Variants in DMD observed in about 807,000 individuals in gnomAD.
DMD encodes mutant dystrophin.
A neutral mutation model predicts 330.1 loss-of-function variants in DMD; 63 were observed. The ratio of observed to expected loss-of-function variants is 0.19; its 90% CI spans 0.16 to 0.24. DMD has a LOEUF of 0.24. Among genes scored for constraint, DMD ranks in the 10% least tolerant of loss-of-function variants. The pLI, the probability that DMD is intolerant of heterozygous loss-of-function variation, is 1.00. For missense variants in DMD, 3,344 were observed against 2,684.1 expected (o/e 1.25, Z -5.43); for synonymous variants, 1,223 against 959.8 (o/e 1.27, Z -5.07).
intron 44 of DMD, among the ~76,000 whole-genome samples, chrX:32,100,013 G>A (rs919590816): frequency 2.7e-5 from 3 of 110,449 alleles, no homozygotes; most frequent in African/African-American, 9.9e-5. Context: ...ATGTGACCTC[G>A]GGCATAACTA....
chrX:31,139,072 G>A (rs1028719539), intron 76 of DMD, among the ~76,000 whole-genome samples: 2 of 112,185 alleles, frequency 1.8e-5, no homozygotes, highest in Admixed American at 1.9e-4. Flanking sequence ...CATATTGCTA[G>A]TCTTTGGGGG....
chrX:32,667,320 C>T (rs1017168077), intron 9 of DMD, among the ~76,000 whole-genome samples: 1 of 111,555 alleles, frequency 9.0e-6, no homozygotes, highest in Non-Finnish European at 1.9e-5. Flanking sequence ...TCATGGAACT[C>T]ACACTTTTGT....
intron 44 of DMD, among the ~76,000 whole-genome samples, chrX:32,023,810 A>G (rs1257677575): frequency 8.9e-6 from 1 of 111,939 alleles, no homozygotes; most frequent in Non-Finnish European, 1.9e-5. Context: ...ATTGGAGGCC[A>G]CTATCCTAAG....
intron 67 of DMD, among the ~76,000 whole-genome samples, chrX:31,183,867 TTA>T (rs201579604): frequency 0.2 from 21,649 of 108,439 alleles, 1,810 homozygotes; most frequent in African/African-American, 0.29. Context: ...CCTCCTTTTT[TTA>T]AAAAAAAAAT....
chrX:31,421,918 T>C (rs1391753149), intron 60 of DMD, among the ~76,000 whole-genome samples: 2 of 79,195 alleles, frequency 2.5e-5, no homozygotes. Flanking sequence ...CACACACATA[T>C]ATATATATAT....
Position 32,983,969 on chromosome X carries a change from T to C in DMD, c.93+36170A>G, listed in dbSNP as rs1244980008. Reference sequence around the variant, plus strand: ...TACTAAGTTATTTGAATGGACTTTATGGACATGAACTTATCTTCAAAGCGT... The same window carrying C: ...TACTAAGTTATTTGAATGGACTTTACGGACATGAACTTATCTTCAAAGCGT... On this transcript the variant is annotated intron_variant, in intron 2 of 78. Coordinates refer to ENST00000357033, the MANE Select transcript of DMD (RefSeq NM_004006.3). 2.7e-5 allele frequency among the ~76,000 whole-genome samples: 3 copies of C among 111,725 alleles called. No individual in the cohort carries two copies. The East Asian group carries it at 8.5e-4, about 32-fold the overall frequency.
chrX:32,143,723 G>A (rs935422357), intron 44 of DMD, among the ~76,000 whole-genome samples: 2 of 98,258 alleles, frequency 2.0e-5, no homozygotes, highest in Middle Eastern at 5.3e-3. Context: ...TTTTTTTTTT[G>A]TATTTTTTAG....
chrX:32,047,711 G>A (rs141137770), intron 44 of DMD, among the ~76,000 whole-genome samples: 116 of 110,866 alleles, frequency 1.0e-3, no homozygotes, highest in African/African-American at 3.4e-3. Flanking sequence ...TCTACTTTAG[G>A]CAGTTTCACA....
intron 44 of DMD, among the ~76,000 whole-genome samples, chrX:32,160,935 TGAAAAG>T (rs1473037218): frequency 3.6e-5 from 4 of 111,821 alleles, no homozygotes; most frequent in African/African-American, 1.3e-4. Flanking sequence ...CTTTGGTGAC[TGAAAAG>T]GAAAACAATA....
intron 43 of DMD, among the ~76,000 whole-genome samples, chrX:32,250,201 A>G (rs1421899902): frequency 9.0e-6 from 1 of 111,537 alleles, no homozygotes; most frequent in Non-Finnish European, 1.9e-5. Context: ...TTTATTGCAT[A>G]TATCTCAGTG....
chrX:31,369,730 A>G (rs1263808034), intron 60 of DMD, among the ~76,000 whole-genome samples: 1 of 111,099 alleles, frequency 9.0e-6, no homozygotes, highest in Non-Finnish European at 1.9e-5. Context: ...CAGGAGAGAA[A>G]TAAGTCTGAC....
At chrX:32,331,389 A>ATT (rs1386529274) in intron 41 of DMD, among the ~76,000 whole-genome samples, 1 of 111,627 alleles carries the variant, frequency 9.0e-6, no homozygotes, top group Non-Finnish European at 1.9e-5. Flanking sequence ...AATGAGTTAT[A>ATT]TTTTTTTAAT....
At position 31,788,586 on chromosome X, in the gene DMD, C is replaced by A. The variant is rs185491550; in HGVS notation, c.7310-14394G>T. ...GATGTACTGTATATGTCTGCTAGGT[C>A]TATTTGATCTAAAGCATAAAGTCCA... On this transcript the variant is annotated intron_variant, in intron 50 of 78. Transcript: ENST00000357033. Among the ~76,000 whole-genome samples, 121 of 111,083 alleles carry A rather than the reference C, an allele frequency of 1.1e-3. 1 individual carries two copies. Among genetic ancestry groups the A allele is most frequent in the African/African-American group, 3.5e-3 (108 of 30,685 alleles).
At chrX:31,650,547 A>C (rs2080393090) in intron 54 of DMD, among the ~76,000 whole-genome samples, 2 of 111,570 alleles carry the variant, frequency 1.8e-5, no homozygotes, top group Non-Finnish European at 1.9e-5. Context: ...GGATCATAAA[A>C]CAGTCCTTAA....
At chrX:31,585,134 C>T (rs1038013054) in intron 55 of DMD, among the ~76,000 whole-genome samples, 3 of 108,984 alleles carry the variant, frequency 2.8e-5, no homozygotes, top group Non-Finnish European at 5.7e-5. Flanking sequence ...CCAGCCTAGG[C>T]AACTGGTGAA....
chrX:32,013,979 C>A (rs1223819428), intron 44 of DMD, among the ~76,000 whole-genome samples: 3 of 111,911 alleles, frequency 2.7e-5, no homozygotes, highest in Non-Finnish European at 5.6e-5. Context: ...TTTATAACAT[C>A]ATTTACAAGT....
intron 74 of DMD, among the ~76,000 whole-genome samples, chrX:31,160,188 A>C (rs1176451575): frequency 9.0e-6 from 1 of 110,644 alleles, no homozygotes; most frequent in African/African-American, 3.3e-5. Context: ...CACTGGTGGC[A>C]ATTTTTCTTG....
In DMD at chrX:31,522,509, A is replaced by G. The variant is rs192547510; in HGVS notation, c.8218-15056T>C. Among the ~76,000 whole-genome samples, 600 of 106,082 alleles carry G rather than the reference A, an allele frequency of 5.7e-3. 5 individuals are homozygous for G. The highest frequency in any genetic ancestry group is 0.02 in the African/African-American group (573 of 28,447). The allele number at this position is 106,082 out of a possible 115,157, so 92.1% of individuals were successfully genotyped here. On this transcript the variant is annotated intron_variant, in intron 55 of 78. Transcript: ENST00000357033. ...TTTTTGGTAACATCATCTTGGTGGCAGTGAAAAGGTACATTAGAGGCAAGA... is the reference window on the plus strand; with the variant it reads ...TTTTTGGTAACATCATCTTGGTGGCGGTGAAAAGGTACATTAGAGGCAAGA...
chrX:32,396,324 C>A (rs1159012383), intron 30 of DMD, among the ~76,000 whole-genome samples: 1 of 111,150 alleles, frequency 9.0e-6, no homozygotes, highest in Non-Finnish European at 1.9e-5. Flanking sequence ...AAATTATTAA[C>A]ATTGAAAAAA....
Sources: allele counts gnomAD v4.1 joint callset (sites outside exome capture counted in the v4.1 genomes callset), GRCh38; gene constraint gnomAD v4.1.1; transcripts MANE v1.5; gene names NCBI Gene and HGNC (gene_info 2026-07-23, HGNC 2026-07-21).